CCSER1: variants seen among roughly 807,000 people sequenced by gnomAD.
CCSER1 encodes the protein serine-rich coiled-coil domain-containing protein 1.
Under a neutral mutation model 82.0 loss-of-function variants are expected in CCSER1, and 41 were observed. The observed-to-expected ratio is 0.50, with a 90% CI of 0.39 to 0.65. The LOEUF is 0.65. Among genes scored for constraint, CCSER1 ranks in the 30% least tolerant of loss-of-function variants. The probability of loss-of-function intolerance (pLI) is 0.00; values close to 1 mark genes in which losing one functional copy is unlikely to be tolerated. For missense variants in CCSER1, 1,119 were observed against 1,064.2 expected, an observed-to-expected ratio of 1.05 and a Z score of -0.72; for synonymous variants, 414 against 383.9, an observed-to-expected ratio of 1.08 and a Z score of -0.92.
At chr4:91,206,472 A>T (rs922159493) in intron 10 of CCSER1, among the ~76,000 whole-genome samples, 2 of 151,970 alleles carry the variant, frequency 1.3e-5, no homozygotes, top group African/African-American at 4.8e-5. Context: ...TCTCACTCTC[A>T]AGGCCTTGGC....
chr4:90,488,242 C>T (rs772756913), intron 5 of CCSER1, among the ~76,000 whole-genome samples: 6 of 152,074 alleles, frequency 3.9e-5, no homozygotes, highest in Non-Finnish European at 8.8e-5. Context: ...AGTACAGTGG[C>T]GTGATCTCAG....
In CCSER1 at chr4:90,654,022, A is replaced by T. The variant is rs139748585; in HGVS notation, c.1932+25790A>T. 3.4e-3 allele frequency among the ~76,000 whole-genome samples: 523 copies of T among 152,166 alleles called. 2 individuals carry two copies. Among genetic ancestry groups the T allele is most frequent in the African/African-American group, 0.012 (490 of 41,502 alleles). Reference sequence around the variant, plus strand: ...AAGTGGGAAGTGCTACATACTTTTAAACCATCAGATCTCATGAGAATTCAC... The same window carrying T: ...AAGTGGGAAGTGCTACATACTTTTATACCATCAGATCTCATGAGAATTCAC... On this transcript the variant is annotated intron_variant, in intron 6 of 10. Coordinates refer to ENST00000509176, the MANE Select transcript of CCSER1 (RefSeq NM_001145065.2).
intron 1 of CCSER1, among the ~76,000 whole-genome samples, chr4:90,134,695 A>G (rs1467833655): frequency 1.3e-5 from 2 of 152,222 alleles, no homozygotes; most frequent in African/African-American, 2.4e-5. Flanking sequence ...CTTATGCACA[A>G]GTTATGAATC....
intron 5 of CCSER1, among the ~76,000 whole-genome samples, chr4:90,482,364 T>C (rs566753163): frequency 6.6e-6 from 1 of 152,342 alleles, no homozygotes; most frequent in African/African-American, 2.4e-5. Context: ...TTTGTGTCTC[T>C]ATTTCCTTCA....
Position 91,405,582 on chromosome 4 carries a change from C to T in CCSER1, c.2218-192990C>T, listed in dbSNP as rs551314869. Among the ~76,000 whole-genome samples the T allele has an allele frequency of 2.5e-3, 386 of 152,294 alleles. 5 individuals are homozygous for T. The highest frequency in any genetic ancestry group is 9.4e-4 in the Non-Finnish European group (64 of 68,032). On this transcript the variant is annotated intron_variant, in intron 10 of 10. Coordinates refer to ENST00000509176, the MANE Select transcript of CCSER1 (RefSeq NM_001145065.2). ...CTACTGAAGCCTCAGCAATGGCTGG[C>T]GCCCCTCCCCCTGCCTCGGGGCTGC...
intron 10 of CCSER1, among the ~76,000 whole-genome samples, chr4:91,257,407 A>C (rs1300712255): frequency 6.6e-6 from 1 of 151,942 alleles, no homozygotes; most frequent in African/African-American, 2.4e-5. Context: ...ACATTTTAAT[A>C]TTCATGGTTT....
intron 5 of CCSER1, among the ~76,000 whole-genome samples, chr4:90,542,251 T>C (rs903472694): frequency 6.6e-6 from 1 of 152,040 alleles, no homozygotes; most frequent in Non-Finnish European, 1.5e-5. Flanking sequence ...CCAAGAGTAA[T>C]ATAGCCTCAG....
intron 5 of CCSER1, among the ~76,000 whole-genome samples, chr4:90,610,887 T>TGAGACCAA (rs1785381233): frequency 6.6e-6 from 1 of 152,040 alleles, no homozygotes; most frequent in South Asian, 2.1e-4. Flanking sequence ...TTTTTGTTGT[T>TGAGACCAA]GTTTCTTTGA....
intron 5 of CCSER1, among the ~76,000 whole-genome samples, chr4:90,516,917 G>T (rs1468820199): frequency 6.6e-6 from 1 of 152,150 alleles, no homozygotes. Context: ...AGAGGCAATT[G>T]CACAAATGGA....
At position 91,446,481 on chromosome 4, in the gene CCSER1, T is replaced by C. The variant is rs187160395; in HGVS notation, c.2218-152091T>C. Among the ~76,000 whole-genome samples the C allele has an allele frequency of 3.0e-4, 45 of 151,866 alleles. No homozygotes were observed. The East Asian group carries it at 8.7e-3, about 29-fold the overall frequency. On this transcript the variant is annotated intron_variant, in intron 10 of 10. Coordinates refer to ENST00000509176, the MANE Select transcript of CCSER1 (RefSeq NM_001145065.2). ...TATTATGCATATTCATTATGGAAACTTTCAAAATTCAATAAATTTTAAAAC... is the reference window on the plus strand; with the variant it reads ...TATTATGCATATTCATTATGGAAACCTTCAAAATTCAATAAATTTTAAAAC...
chr4:90,963,116 A>T (rs1279597414), intron 9 of CCSER1, among the ~76,000 whole-genome samples: 1 of 152,144 alleles, frequency 6.6e-6, no homozygotes, highest in African/African-American at 2.4e-5. Context: ...AAAATTTGTT[A>T]TTGGATATTT....
chr4:90,923,327 C>T (rs1409562735), intron 8 of CCSER1, 43 bp from the exon 9 acceptor site: 9 of 1,317,402 alleles, frequency 6.8e-6, no homozygotes, highest in African/African-American at 1.5e-5. Flanking sequence ...TAGAAGTACA[C>T]ACCTCACCAA....
chr4:90,281,865 A>G (rs573866222), intron 1 of CCSER1, among the ~76,000 whole-genome samples: 1 of 152,172 alleles, frequency 6.6e-6, no homozygotes, highest in East Asian at 1.9e-4. Context: ...GCATTAGTTT[A>G]TTTATTCAAT....
At chr4:90,683,737 T>C (rs1229190275) in intron 6 of CCSER1, among the ~76,000 whole-genome samples, 1 of 152,000 alleles carries the variant, frequency 6.6e-6, no homozygotes, top group Non-Finnish European at 1.5e-5. Flanking sequence ...CCTATTTAAA[T>C]CAAGAAAAGG....
chr4:90,562,049 G>A (rs965408467), intron 5 of CCSER1, among the ~76,000 whole-genome samples: 1 of 151,936 alleles, frequency 6.6e-6, no homozygotes, highest in Non-Finnish European at 1.5e-5. Flanking sequence ...TGTTAGCCGG[G>A]CATAGTGGCG....
intron 10 of CCSER1, among the ~76,000 whole-genome samples, chr4:91,444,618 T>C (rs1274150243): frequency 6.6e-6 from 1 of 151,928 alleles, no homozygotes; most frequent in Non-Finnish European, 1.5e-5. Context: ...CCTGGTTAAT[T>C]TTTGCATTTT....
At chr4:90,225,317 C>A (rs2153423585) in intron 1 of CCSER1, among the ~76,000 whole-genome samples, 1 of 147,124 alleles carries the variant, frequency 6.8e-6, no homozygotes, top group East Asian at 2.0e-4. Context: ...TTCAAGCCTT[C>A]TGCCCACCAT....
intron 4 of CCSER1, among the ~76,000 whole-genome samples, chr4:90,414,322 T>A (rs923021205): frequency 5.9e-4 from 90 of 152,010 alleles, no homozygotes; most frequent in African/African-American, 2.1e-3. Flanking sequence ...TTTATTATAT[T>A]TTCTTGAGTT....
chr4:90,651,021 T>G (rs1457838924), intron 6 of CCSER1, among the ~76,000 whole-genome samples: 4 of 152,234 alleles, frequency 2.6e-5, no homozygotes, highest in Non-Finnish European at 5.9e-5. Context: ...TGTCTTCAAT[T>G]CTGTTTCTTC....
Sources: gnomAD v4.1 joint callset for allele counts (sites outside exome capture counted in the v4.1 genomes callset) on GRCh38, gnomAD v4.1.1 for gene constraint, MANE v1.5 for transcripts, NCBI Gene and HGNC (gene_info 2026-07-23, HGNC 2026-07-21) for gene names.